Variants in PPP1R36 observed in about 807,000 individuals in gnomAD.
PPP1R36 encodes protein phosphatase 1 regulatory subunit 36.
A neutral mutation model predicts 53.4 loss-of-function variants in PPP1R36; 47 were observed. That is an observed-to-expected ratio of 0.88 (90% CI 0.70 to 1.12). PPP1R36 has a LOEUF of 1.12. Ranked by LOEUF, PPP1R36 falls within the 50% of genes most tolerant of loss-of-function variation. PPP1R36 has a pLI of 0.00. For synonymous variants in PPP1R36, 153 were observed against 170.5 expected (o/e 0.90, Z 0.80); for missense variants, 456 against 513.9 (o/e 0.89, Z 1.09).
At chr14:64,583,739 G>T in intron 8 of PPP1R36, among the ~76,000 whole-genome samples, 1 of 148,354 alleles carries the variant, frequency 6.7e-6, no homozygotes, top group Non-Finnish European at 1.5e-5. Flanking sequence ...GTTTGAACCC[G>T]GGAGGCAGAG....
intron 1 of PPP1R36, 131 bp downstream of exon 1, chr14:64,550,197 C>A: frequency 1.4e-6 from 2 of 1,424,676 alleles, no homozygotes; most frequent in Non-Finnish European, 1.8e-6. Context: ...TGGCGGTTCT[C>A]AAAGACACCT....
intron 1 of PPP1R36, 59 bp from the exon 2 acceptor site, chr14:64,550,862 G>A (rs1306593879): frequency 1.4e-5 from 17 of 1,216,542 alleles, no homozygotes; most frequent in Non-Finnish European, 2.0e-5. Flanking sequence ...GTTTATTGTG[G>A]CATATGGATT....
At chr14:64,582,579 A>C (rs538791109) in intron 8 of PPP1R36, among the ~76,000 whole-genome samples, 1 of 152,342 alleles carries the variant, frequency 6.6e-6, no homozygotes, top group East Asian at 1.9e-4. Context: ...AGTAGTCCAA[A>C]TTGAAACATA....
intron 8 of PPP1R36, among the ~76,000 whole-genome samples, chr14:64,583,084 TTGTA>T (rs1268344737): frequency 3.4e-5 from 5 of 147,938 alleles, no homozygotes; most frequent in Non-Finnish European, 6.0e-5. Context: ...TATTTTTTTT[TTGTA>T]TTTTTGTAGA....
chr14:64,573,534 A>G (rs906773983), intron 7 of PPP1R36, among the ~76,000 whole-genome samples: 2 of 152,196 alleles, frequency 1.3e-5, no homozygotes. Flanking sequence ...AGCAACCAGT[A>G]TAGATAATTT....
intron 8 of PPP1R36, among the ~76,000 whole-genome samples, chr14:64,582,471 T>C (rs2080396565): frequency 1.3e-5 from 2 of 152,230 alleles, no homozygotes; most frequent in African/African-American, 2.4e-5. Context: ...TTCCCCTCTT[T>C]CCTTTGGGTT....
intron 7 of PPP1R36, among the ~76,000 whole-genome samples, chr14:64,570,082 A>G (rs2080291195): frequency 6.6e-6 from 1 of 152,166 alleles, no homozygotes; most frequent in Non-Finnish European, 1.5e-5. Context: ...CAGGTTTTCT[A>G]GTTGAAGATG....
chr14:64,560,178 C>T (rs981853438), intron 3 of PPP1R36, among the ~76,000 whole-genome samples: 5 of 146,462 alleles, frequency 3.4e-5, no homozygotes, highest in South Asian at 2.2e-4. Context: ...CAGTGGCTCA[C>T]GCTTGTAATC....
At chr14:64,553,823 T>TAAAAA (rs11441855) in intron 3 of PPP1R36, among the ~76,000 whole-genome samples, 10 of 82,466 alleles carry the variant, frequency 1.2e-4, no homozygotes, top group Non-Finnish European at 2.1e-4. Context: ...AAGTTATAAC[T>TAAAAA]AAAAAAAAAA....
At chr14:64,552,279 G>A (rs1381865736) in intron 2 of PPP1R36, among the ~76,000 whole-genome samples, 6 of 152,048 alleles carry the variant, frequency 3.9e-5, no homozygotes, top group Non-Finnish European at 8.8e-5. Flanking sequence ...ACCTGAGGTC[G>A]GGAGTTTGAG....
At chr14:64,551,832 C>CAGA (rs1596720194) in intron 2 of PPP1R36, 2 of 337,078 alleles carry the variant, frequency 5.9e-6, no homozygotes, top group East Asian at 1.5e-4. Flanking sequence ...GAGCCAGCTA[C>CAGA]AGAACTTCTT....
At chr14:64,576,104 A>C (rs1249388549) in intron 8 of PPP1R36, among the ~76,000 whole-genome samples, 1 of 132,366 alleles carries the variant, frequency 7.6e-6, no homozygotes, top group Non-Finnish European at 1.6e-5. Context: ...TTTTTGACAA[A>C]GTCTCGCTCT....
chr14:64,568,972 G>A (rs1197771921), intron 7 of PPP1R36, among the ~76,000 whole-genome samples: 2 of 152,086 alleles, frequency 1.3e-5, no homozygotes, highest in Non-Finnish European at 2.9e-5. Context: ...TGTTGTTTGT[G>A]TGCTTTTTAT....
chr14:64,559,846 G>A (rs1349693437), intron 3 of PPP1R36, among the ~76,000 whole-genome samples: 5 of 152,188 alleles, frequency 3.3e-5, no homozygotes, highest in African/African-American at 1.2e-4. Context: ...GCTCACGCCT[G>A]TAATCCCAGC....
At chr14:64,557,183 T>C (rs1596725165) in intron 3 of PPP1R36, among the ~76,000 whole-genome samples, 1 of 152,312 alleles carries the variant, frequency 6.6e-6, no homozygotes, top group East Asian at 1.9e-4. Context: ...GTAGGGAAGA[T>C]GGTGTAATGA....
intron 3 of PPP1R36, among the ~76,000 whole-genome samples, chr14:64,561,219 A>G (rs939880970): frequency 9.9e-5 from 15 of 152,192 alleles, no homozygotes; most frequent in African/African-American, 3.6e-4. Flanking sequence ...CTAGACTTCT[A>G]GGTATTCTGA....
chr14:64,570,337 C>T (rs1043029900), intron 7 of PPP1R36, among the ~76,000 whole-genome samples: 1 of 152,052 alleles, frequency 6.6e-6, no homozygotes, highest in African/African-American at 2.4e-5. Context: ...CAAAAATTAG[C>T]CAGGCGTGGT....
intron 3 of PPP1R36, among the ~76,000 whole-genome samples, chr14:64,557,317 A>C (rs941212772): frequency 1.3e-5 from 2 of 152,174 alleles, no homozygotes; most frequent in Admixed American, 6.5e-5. Flanking sequence ...TCATCTGTAA[A>C]TATTTCAGTA....
intron 3 of PPP1R36, among the ~76,000 whole-genome samples, chr14:64,558,048 T>C (rs2080171673): frequency 6.6e-6 from 1 of 151,924 alleles, no homozygotes; most frequent in African/African-American, 2.4e-5. Flanking sequence ...CTGATACAGA[T>C]AGGCCTCAGG....
Sources: allele counts gnomAD v4.1 joint callset (sites outside exome capture counted in the v4.1 genomes callset), GRCh38; gene constraint gnomAD v4.1.1; transcripts MANE v1.5; gene names NCBI Gene and HGNC (gene_info 2026-07-23, HGNC 2026-07-21).